The following CSMD1 variants were observed in gnomAD, a reference collection of about 807,000 sequenced individuals.
The protein encoded by CSMD1 is CUB and sushi domain-containing protein 1.
Under a neutral mutation model 417.5 loss-of-function variants are expected in CSMD1, and 213 were observed. The ratio of observed to expected loss-of-function variants is 0.51; its 90% CI spans 0.46 to 0.57. CSMD1 has a LOEUF of 0.57. CSMD1 is among the 20% of genes least tolerant of loss of function. CSMD1 has a pLI of 0.00. For synonymous variants in CSMD1, 2,862 were observed against 1,736.8 expected, an observed-to-expected ratio of 1.65 and a Z score of -16.11; for missense variants, 6,923 against 4,529.7, an observed-to-expected ratio of 1.53 and a Z score of -15.17.
rs34597121 is a variant in CSMD1, at chr8:2,947,928, CT to C, written c.10402+1370del. 6.6e-3 allele frequency among the ~76,000 whole-genome samples: 934 copies of C among 141,506 alleles called. 7 individuals carry two copies. The highest frequency in any genetic ancestry group is 0.06 in the East Asian group (290 of 4,868). The allele number at this position is 141,506 out of a possible 152,430, so 92.8% of individuals were successfully genotyped here. ...GTAAAGTATTTTATGATTAATTATC[CT>C]TTTTTTTTTTTTGGCTTTTCTACAG... On this transcript the variant is annotated intron_variant, in intron 68 of 69. Transcript: ENST00000635120.
intron 3 of CSMD1, among the ~76,000 whole-genome samples, chr8:4,385,187 T>G (rs1029174464): frequency 2.6e-5 from 4 of 152,088 alleles, no homozygotes; most frequent in African/African-American, 9.7e-5. Context: ...CTCGGCGTCT[T>G]AAAGTGATGT....
Position 3,702,639 on chromosome 8 carries a change from T to C in CSMD1, c.1009+5775A>G, listed in dbSNP as rs530389505. ...TGAGGTCAGGAATTCAAGATCAGCT[T>C]TTCCAACATGGTGAAACCCCATATC... On this transcript the variant is annotated intron_variant, in intron 7 of 69. Transcript: ENST00000635120. 3.9e-5 allele frequency among the ~76,000 whole-genome samples: 6 copies of C among 152,318 alleles called. No individual in the cohort carries two copies. In the South Asian group the frequency reaches 1.0e-3, roughly 26 times the overall value.
At chr8:4,426,102 T>A (rs1355276892) in intron 2 of CSMD1, among the ~76,000 whole-genome samples, 2 of 147,760 alleles carry the variant, frequency 1.4e-5, no homozygotes, top group Non-Finnish European at 3.0e-5. Flanking sequence ...AAAAAAAAAA[T>A]CTTATCGCCT....
intron 25 of CSMD1, among the ~76,000 whole-genome samples, chr8:3,306,757 AT>A (rs1804886000): frequency 6.6e-6 from 1 of 152,212 alleles, no homozygotes; most frequent in African/African-American, 2.4e-5. Context: ...AATAAAACTG[AT>A]TTTAAAATTA....
At chr8:3,020,132 A>G (rs1195663761) in intron 51 of CSMD1, among the ~76,000 whole-genome samples, 1 of 152,196 alleles carries the variant, frequency 6.6e-6, no homozygotes, top group African/African-American at 2.4e-5. Context: ...AGCACTTGCC[A>G]ATTTTCTAAG....
At chr8:3,608,849 G>C (rs562975792) in intron 8 of CSMD1, among the ~76,000 whole-genome samples, 2 of 151,826 alleles carry the variant, frequency 1.3e-5, no homozygotes, top group Non-Finnish European at 2.9e-5. Context: ...ATTACAACAT[G>C]ACACACCCCT....
chr8:4,275,535 C>T (rs1255834008), intron 3 of CSMD1, among the ~76,000 whole-genome samples: 1 of 152,082 alleles, frequency 6.6e-6, no homozygotes, highest in Non-Finnish European at 1.5e-5. Context: ...AACTGTTACA[C>T]ATTGGTGAAC....
At chr8:3,532,051 G>C (rs1224326425) in intron 10 of CSMD1, among the ~76,000 whole-genome samples, 1 of 152,224 alleles carries the variant, frequency 6.6e-6, no homozygotes, top group Non-Finnish European at 1.5e-5. Flanking sequence ...GTCTAGATCA[G>C]ATACTGCCTC....
chr8:3,866,019 G>C (rs547374854), intron 5 of CSMD1, among the ~76,000 whole-genome samples: 2 of 151,924 alleles, frequency 1.3e-5, no homozygotes, highest in Admixed American at 6.6e-5. Context: ...GAGATAAATC[G>C]CCACCAGAAA....
chr8:3,478,229 A>G (rs894353751), intron 11 of CSMD1, among the ~76,000 whole-genome samples: 4 of 152,226 alleles, frequency 2.6e-5, no homozygotes, highest in Non-Finnish European at 4.4e-5. Flanking sequence ...AATTCACTAA[A>G]CATTATCTGA....
intron 25 of CSMD1, among the ~76,000 whole-genome samples, chr8:3,287,888 A>G (rs1168001151): frequency 6.9e-6 from 1 of 145,432 alleles, no homozygotes; most frequent in African/African-American, 2.7e-5. Context: ...GCCAGTTTGC[A>G]AAGGGAATGC....
At chr8:3,575,842 G>A (rs1005711056) in intron 9 of CSMD1, among the ~76,000 whole-genome samples, 1 of 54,460 alleles carries the variant, frequency 1.8e-5, no homozygotes, top group Non-Finnish European at 5.4e-5. Context: ...TTTATGAAAG[G>A]AGTTTTTTTT....
chr8:4,293,184 T>C (rs578119696), intron 3 of CSMD1, among the ~76,000 whole-genome samples: 8 of 151,952 alleles, frequency 5.3e-5, no homozygotes, highest in African/African-American at 1.9e-4. Context: ...TGAACCTCCC[T>C]GGCACAGAGA....
chr8:3,763,534 C>A (rs573875726), intron 5 of CSMD1, among the ~76,000 whole-genome samples: 12 of 152,278 alleles, frequency 7.9e-5, no homozygotes, highest in African/African-American at 2.9e-4. Context: ...ATAAAAATTT[C>A]TTCAGGCCCT....
chr8:4,435,736 T>C (rs1471087708), intron 2 of CSMD1, among the ~76,000 whole-genome samples: 3 of 152,118 alleles, frequency 2.0e-5, no homozygotes, highest in Non-Finnish European at 4.4e-5. Context: ...GAGATCTGTC[T>C]TGGCCATGTG....
chr8:3,739,420 A>G (rs1181951303), intron 6 of CSMD1, among the ~76,000 whole-genome samples: 1 of 152,256 alleles, frequency 6.6e-6, no homozygotes, highest in Non-Finnish European at 1.5e-5. Flanking sequence ...TTCCCAACAC[A>G]GAGAAATAAT....
chr8:3,396,169 G>A (rs1212743772), intron 17 of CSMD1, 25 bp downstream of exon 17: 17 of 1,546,568 alleles, frequency 1.1e-5, no homozygotes, highest in African/African-American at 5.5e-5. Flanking sequence ...GCCCTGCCGG[G>A]CTGTCAAGGG....
chr8:3,089,531 G>A (rs766725232), intron 48 of CSMD1, among the ~76,000 whole-genome samples: 2 of 152,290 alleles, frequency 1.3e-5, no homozygotes, highest in African/African-American at 4.8e-5. Context: ...GCAAATACAT[G>A]TTGGGGATGC....
chr8:3,639,022 T>C (rs552298175), intron 7 of CSMD1, among the ~76,000 whole-genome samples: 1 of 152,346 alleles, frequency 6.6e-6, no homozygotes, highest in Non-Finnish European at 1.5e-5. Context: ...GAGTGAATAT[T>C]TGTCCCCAAT....
Sources: allele counts gnomAD v4.1 joint callset (sites outside exome capture counted in the v4.1 genomes callset), GRCh38; gene constraint gnomAD v4.1.1; transcripts MANE v1.5; gene names NCBI Gene and HGNC (gene_info 2026-07-23, HGNC 2026-07-21).